NECAB1: variants seen among roughly 807,000 people sequenced by gnomAD.
NECAB1 encodes N-terminal EF-hand calcium-binding protein 1.
NECAB1 carries 29 observed loss-of-function variants against 57.5 expected under a neutral mutation model. That is an observed-to-expected ratio of 0.50 (90% CI 0.38 to 0.69). NECAB1 has a LOEUF of 0.69. Ranked by LOEUF, NECAB1 falls within the 30% of genes least tolerant of loss-of-function variation. The probability of loss-of-function intolerance (pLI) is 0.00; values close to 1 mark genes in which losing one functional copy is unlikely to be tolerated. For synonymous variants in NECAB1, 142 were observed against 147.7 expected (o/e 0.96, Z 0.28); for missense variants, 372 against 413.8 (o/e 0.90, Z 0.88).
intron 3 of NECAB1, among the ~76,000 whole-genome samples, chr8:90,852,424 A>T (rs1812701333): frequency 6.6e-6 from 1 of 152,184 alleles, no homozygotes; most frequent in Non-Finnish European, 1.5e-5. Flanking sequence ...TGTACCAGTG[A>T]TAGGGACAGG....
At chr8:90,898,018 G>A (rs1350465832) in intron 5 of NECAB1, among the ~76,000 whole-genome samples, 2 of 152,100 alleles carry the variant, frequency 1.3e-5, no homozygotes, top group Non-Finnish European at 2.9e-5. Context: ...TTTATCCTCT[G>A]TCATTTTCTG....
At chr8:90,933,617 C>T (rs150011405) in intron 8 of NECAB1, among the ~76,000 whole-genome samples, 5 of 151,972 alleles carry the variant, frequency 3.3e-5, no homozygotes, top group Admixed American at 1.3e-4. Context: ...GACTACAAAT[C>T]GGGTTCAGTG....
At chr8:90,801,448 G>A (rs962490468) in intron 1 of NECAB1, among the ~76,000 whole-genome samples, 1 of 152,050 alleles carries the variant, frequency 6.6e-6, no homozygotes, top group South Asian at 2.1e-4. Flanking sequence ...CATTTTTATT[G>A]CTCAGTAGTA....
chr8:90,865,965 A>G (rs1321287370), intron 3 of NECAB1, among the ~76,000 whole-genome samples: 1 of 152,206 alleles, frequency 6.6e-6, no homozygotes, highest in East Asian at 1.9e-4. Flanking sequence ...AGTGTTTCCT[A>G]CAGTCTTTAC....
intron 3 of NECAB1, among the ~76,000 whole-genome samples, chr8:90,861,858 A>G (rs953364864): frequency 3.3e-5 from 5 of 152,170 alleles, no homozygotes; most frequent in African/African-American, 9.7e-5. Context: ...CCGCTACAGG[A>G]TACAGCCTTC....
intron 5 of NECAB1, 115 bp from the exon 6 acceptor site, chr8:90,917,377 C>T: frequency 5.9e-6 from 5 of 854,526 alleles, no homozygotes; most frequent in African/African-American, 1.7e-5. Flanking sequence ...CTTCTCTCCA[C>T]CCTCTCTCTC....
chr8:90,951,324 T>C (rs957424049), intron 12 of NECAB1, 120 bp downstream of exon 12: 3 of 564,984 alleles, frequency 5.3e-6, no homozygotes, highest in Non-Finnish European at 9.1e-6. Flanking sequence ...TATTTATTTC[T>C]TTATATATTT....
chr8:90,917,380 T>C, intron 5 of NECAB1, 112 bp from the exon 6 acceptor site: 1 of 879,836 alleles, frequency 1.1e-6, no homozygotes, highest in Non-Finnish European at 1.6e-6. Flanking sequence ...CTCTCCACCC[T>C]CTCTCTCTAG....
intron 2 of NECAB1, among the ~76,000 whole-genome samples, chr8:90,812,317 GAC>G (rs1811973970): frequency 6.6e-6 from 1 of 152,092 alleles, no homozygotes; most frequent in African/African-American, 2.4e-5. Context: ...ATATTCCTCC[GAC>G]ACGTTTCATC....
chr8:90,817,756 T>C (rs549430579), intron 2 of NECAB1, among the ~76,000 whole-genome samples: 1 of 152,018 alleles, frequency 6.6e-6, no homozygotes, highest in African/African-American at 2.4e-5. Context: ...TTAGCTATAT[T>C]GCTCTGTTGT....
At chr8:90,924,167 T>G (rs979524298) in intron 6 of NECAB1, among the ~76,000 whole-genome samples, 2 of 152,200 alleles carry the variant, frequency 1.3e-5, no homozygotes, top group Admixed American at 1.3e-4. Flanking sequence ...CTAGTGACTC[T>G]GGGATATAGA....
chr8:90,893,368 C>T (rs1034616332), intron 5 of NECAB1, among the ~76,000 whole-genome samples: 2 of 152,116 alleles, frequency 1.3e-5, no homozygotes, highest in Admixed American at 6.6e-5. Flanking sequence ...ACTGTATCAC[C>T]GACAGCTACT....
At chr8:90,866,832 G>A (rs1209025397) in intron 3 of NECAB1, among the ~76,000 whole-genome samples, 1 of 152,184 alleles carries the variant, frequency 6.6e-6, no homozygotes, top group Non-Finnish European at 1.5e-5. Context: ...AACCATTGTG[G>A]AAGACAGTGT....
rs114191071 is a variant in NECAB1, at chr8:90,842,220, T to A, written c.233+17395T>A. 2.7e-3 allele frequency among the ~76,000 whole-genome samples: 415 copies of A among 152,200 alleles called. 2 individuals are homozygous for A. Among genetic ancestry groups the A allele is most frequent in the African/African-American group, 9.3e-3 (385 of 41,522 alleles). On this transcript the variant is annotated intron_variant, in intron 3 of 12. Coordinates refer to ENST00000417640, the MANE Select transcript of NECAB1 (RefSeq NM_022351.5). Reference sequence around the variant, plus strand: ...TAAAAGGTGGAAAATAATAAAAAGGTGGAGCCTGGGGAGTATTACATCATA... The same window carrying A: ...TAAAAGGTGGAAAATAATAAAAAGGAGGAGCCTGGGGAGTATTACATCATA...
intron 9 of NECAB1, among the ~76,000 whole-genome samples, chr8:90,934,732 A>T (rs920212158): frequency 6.6e-6 from 1 of 152,150 alleles, no homozygotes; most frequent in Non-Finnish European, 1.5e-5. Flanking sequence ...GGTTCTGTTC[A>T]TTATTATATT....
intron 9 of NECAB1, among the ~76,000 whole-genome samples, chr8:90,935,241 A>G (rs1810507490): frequency 6.6e-6 from 1 of 152,180 alleles, no homozygotes; most frequent in Non-Finnish European, 1.5e-5. Context: ...AGACCCACCT[A>G]TGTGTAAGGC....
At chr8:90,930,501 G>A (rs1159516626) in intron 8 of NECAB1, among the ~76,000 whole-genome samples, 1 of 152,122 alleles carries the variant, frequency 6.6e-6, no homozygotes, top group African/African-American at 2.4e-5. Context: ...TAGAAGGAGA[G>A]AAGTCAGGCC....
intron 1 of NECAB1, among the ~76,000 whole-genome samples, chr8:90,792,880 C>T (rs11784790): frequency 0.055 from 8,324 of 152,202 alleles, 344 homozygotes; most frequent in Non-Finnish European, 0.078. Flanking sequence ...CTCTCAGCTG[C>T]TTGCCGGGCT....
intron 5 of NECAB1, among the ~76,000 whole-genome samples, chr8:90,890,368 G>A (rs2129946676): frequency 6.6e-6 from 1 of 152,252 alleles, no homozygotes; most frequent in South Asian, 2.1e-4. Context: ...TTTGCCTTCT[G>A]CCATGATTGT....
Sources: gnomAD v4.1 joint callset for allele counts (sites outside exome capture counted in the v4.1 genomes callset) on GRCh38, gnomAD v4.1.1 for gene constraint, MANE v1.5 for transcripts, NCBI Gene and HGNC (gene_info 2026-07-23, HGNC 2026-07-21) for gene names.